ZNF469: variants seen among roughly 807,000 people sequenced by gnomAD.
ZNF469 encodes zinc finger protein 469.
In ZNF469, 1 loss-of-function variant was observed where a neutral mutation model predicts 1.0. The ratio of observed to expected loss-of-function variants is 1.00; its 90% CI spans 0.35 to 4.73. The LOEUF (loss-of-function observed/expected upper bound fraction) is 4.73, where lower values mean the gene tolerates loss of function less well. Among genes scored for constraint, ZNF469 ranks in the 30% most tolerant of loss-of-function variants. ZNF469 has a pLI of 0.16. For synonymous variants in ZNF469, 2,703 were observed against 2,363.4 expected, an observed-to-expected ratio of 1.14 and a Z score of -4.17; for missense variants, 6,100 against 5,356.3, an observed-to-expected ratio of 1.14 and a Z score of -4.33.
the ZNF469 span, among the ~76,000 whole-genome samples, chr16:88,116,483 A>T: frequency 9.2e-5 from 14 of 152,114 alleles, no homozygotes; most frequent in Non-Finnish European, 1.8e-4. Context: ...CTAATGTACA[A>T]CCCCACAATG....
At chr16:88,270,301 G>A in the ZNF469 span, among the ~76,000 whole-genome samples, 1 of 152,188 alleles carries the variant, frequency 6.6e-6, no homozygotes, top group African/African-American at 2.4e-5. Context: ...GACGTTGAGG[G>A]TGAAGGGGAG....
intron 1 of ZNF469, among the ~76,000 whole-genome samples, chr16:88,403,958 T>C (rs967368613): frequency 1.3e-5 from 2 of 152,186 alleles, no homozygotes; most frequent in African/African-American, 4.8e-5. Flanking sequence ...CGGGCGGTGC[T>C]GCAGGGCCCC....
chr16:88,313,340 A>G, the ZNF469 span, among the ~76,000 whole-genome samples: 3 of 152,180 alleles, frequency 2.0e-5, no homozygotes, highest in Non-Finnish European at 2.9e-5. Flanking sequence ...TAAAATGGTG[A>G]TCATTTTCTC....
chr16:88,351,985 G>C, the ZNF469 span, among the ~76,000 whole-genome samples: 12,352 of 152,250 alleles, frequency 0.081, 581 homozygotes, highest in East Asian at 0.14. Flanking sequence ...AAATATGATG[G>C]TGACGCTCAC....
At chr16:88,294,030 C>T in the ZNF469 span, among the ~76,000 whole-genome samples, 5 of 152,206 alleles carry the variant, frequency 3.3e-5, no homozygotes, top group Non-Finnish European at 7.3e-5. Flanking sequence ...GGACTGTGCA[C>T]GGGGTCTCCC....
Position 88,430,867 on chromosome 16 carries a change from G to T in ZNF469, c.3397G>T (p.Asp1133Tyr), listed in dbSNP as rs1023941815. The change falls in exon 3 of 3, where the codon GAT becomes TAT. Residue 1133 changes from aspartate (D) to tyrosine (Y), a missense_variant. Physicochemically the swap from Asp to Tyr is radical, Grantham distance 160 (BLOSUM62 -3). Transcript: ENST00000565624. ...GGAGCTGACCCAGGGTCCCAGAGAG[G>T]ATGAGCCACAGAAACCCCGGAAGGC... ...EVELTQGPRE[D>Y]EPQKPRKAAR... 6 of 1,537,238 alleles carry T rather than the reference G, an allele frequency of 3.9e-6. No homozygotes were observed. In the East Asian group the frequency reaches 1.2e-4, roughly 31 times the overall value.
rs1255967552 is a variant in ZNF469, at chr16:88,437,433, C to A, written c.9963C>A (p.Pro3321=). 2 of 1,522,670 alleles carry A rather than the reference C, an allele frequency of 1.3e-6. No individual in the cohort carries two copies. Among genetic ancestry groups the A allele is most frequent in the Non-Finnish European group, 1.8e-6 (2 of 1,131,426 alleles). The allele number at this position is 1,522,670 out of a possible 1,614,324, so 94.3% of individuals were successfully genotyped here. ...PSPDPWAGGE[P]LLQATPVHEA... The stretch of plus-strand genomic sequence containing the variant: ...CCGACCCCTGGGCCGGCGGGGAGCC[C>A]CTCCTGCAAGCCACCCCGGTGCACG... Residue 3321 remains proline (P), a synonymous_variant, in exon 3 of 3, where the codon CCC becomes CCA. Coordinates refer to ENST00000565624, the MANE Select transcript of ZNF469 (RefSeq NM_001367624.2).
At chr16:88,249,417 C>CTTTTTT in the ZNF469 span, among the ~76,000 whole-genome samples, 1 of 92,984 alleles carries the variant, frequency 1.1e-5, no homozygotes, top group Non-Finnish European at 1.9e-5. Flanking sequence ...CTTTTTCTTT[C>CTTTTTT]TTTTTCTTTT....
chr16:88,163,964 G>A, the ZNF469 span, among the ~76,000 whole-genome samples: 2 of 151,000 alleles, frequency 1.3e-5, no homozygotes, highest in East Asian at 3.9e-4. Context: ...GGATGAGCGG[G>A]GTAAGTGGAT....
chr16:88,280,022 T>G, the ZNF469 span, among the ~76,000 whole-genome samples: 1 of 151,388 alleles, frequency 6.6e-6, no homozygotes, highest in South Asian at 2.1e-4. Context: ...ATGCTGACAC[T>G]CAGTCAGTAC....
upstream of ZNF469, among the ~76,000 whole-genome samples, chr16:88,378,332 G>A (rs868756270): frequency 1.3e-5 from 2 of 152,316 alleles, no homozygotes; most frequent in South Asian, 2.1e-4. Flanking sequence ...CAAAGTCCAC[G>A]GGTACTGATT....
At chr16:88,228,221 C>T in the ZNF469 span, among the ~76,000 whole-genome samples, 1,743 of 152,354 alleles carry the variant, frequency 0.011, 30 homozygotes, top group African/African-American at 0.039. Context: ...GGCTGTGGAG[C>T]AGGGGGACCC....
chr16:88,269,209 C>G, the ZNF469 span, among the ~76,000 whole-genome samples: 1 of 152,204 alleles, frequency 6.6e-6, no homozygotes, highest in Non-Finnish European at 1.5e-5. Context: ...CTTTCCACGG[C>G]CGGCTGGGGC....
chr16:88,323,123 G>C, the ZNF469 span, among the ~76,000 whole-genome samples: 1 of 152,164 alleles, frequency 6.6e-6, no homozygotes, highest in Non-Finnish European at 1.5e-5. Context: ...TCATGGATTA[G>C]AGCTGCCGTT....
At chr16:88,390,217 C>T (rs1904446477) in intron 1 of ZNF469, among the ~76,000 whole-genome samples, 1 of 152,190 alleles carries the variant, frequency 6.6e-6, no homozygotes. Flanking sequence ...TCAGCTCAGG[C>T]CTGTCTCACA....
the ZNF469 span, among the ~76,000 whole-genome samples, chr16:88,173,490 C>T: frequency 2.0e-5 from 3 of 152,140 alleles, no homozygotes; most frequent in Admixed American, 2.0e-4. Flanking sequence ...CTTCCTTCAA[C>T]ATTTCTTTAT....
At chr16:88,257,264 G>A in the ZNF469 span, among the ~76,000 whole-genome samples, 3 of 151,936 alleles carry the variant, frequency 2.0e-5, no homozygotes, top group African/African-American at 7.2e-5. Context: ...GTGCCCAGCC[G>A]GGAGCATCTT....
At chr16:88,170,634 T>TA in the ZNF469 span, among the ~76,000 whole-genome samples, 1 of 152,180 alleles carries the variant, frequency 6.6e-6, no homozygotes, top group Non-Finnish European at 1.5e-5. The surrounding 1 kb of genome is among the most constrained non-coding windows in gnomAD (Gnocchi z 4.2). Context: ...TTAAAGGCTG[T>TA]AGCATGCTCC....
At chr16:88,322,761 TC>T in the ZNF469 span, among the ~76,000 whole-genome samples, 2 of 152,042 alleles carry the variant, frequency 1.3e-5, no homozygotes, top group African/African-American at 4.8e-5. Context: ...CTCCAGGCCC[TC>T]CCCGTGCCCA....
Sources: gnomAD v4.1 joint callset for allele counts (sites outside exome capture counted in the v4.1 genomes callset) on GRCh38, gnomAD v4.1.1 for gene constraint, Gnocchi (gnomAD v3.1) non-coding constraint, MANE v1.5 for transcripts, NCBI Gene and HGNC (gene_info 2026-07-23, HGNC 2026-07-21) for gene names.